TFRC: variants seen among roughly 807,000 people sequenced by gnomAD.
TFRC encodes transferrin receptor protein 1.
In TFRC, 35 loss-of-function variants were observed where a neutral mutation model predicts 85.8. The observed-to-expected ratio is 0.41, with a 90% CI of 0.31 to 0.54. The LOEUF (loss-of-function observed/expected upper bound fraction) is 0.54. Ranked by LOEUF, TFRC falls within the 20% of genes least tolerant of loss-of-function variation. TFRC has a pLI of 0.31. For synonymous variants in TFRC, 362 were observed against 328.6 expected, an observed-to-expected ratio of 1.10 and a Z score of -1.10; for missense variants, 828 against 921.5, an observed-to-expected ratio of 0.90 and a Z score of 1.31.
chr3:196,064,223 G>A (rs1717520112), intron 11 of TFRC, 86 bp downstream of exon 11: 5 of 1,360,090 alleles, frequency 3.7e-6, no homozygotes, highest in African/African-American at 1.5e-5. Context: ...CCACAGGAAT[G>A]CAGGCAAAGT....
chr3:196,071,333 G>A (rs1718184320), intron 6 of TFRC, 63 bp downstream of exon 6: 3 of 1,475,476 alleles, frequency 2.0e-6, no homozygotes, highest in African/African-American at 1.4e-5. Flanking sequence ...CCTAAGAACA[G>A]AAAAGATGAG....
chr3:196,060,668 G>C (rs1717199411), intron 13 of TFRC: 1 of 159,940 alleles, frequency 6.3e-6, no homozygotes. Flanking sequence ...TGTGGTGGCG[G>C]GCACCTGTAG....
intron 17 of TFRC, 43 bp downstream of exon 17, chr3:196,055,037 T>G: frequency 1.0e-4 from 157 of 1,574,972 alleles, no homozygotes; most frequent in Non-Finnish European, 1.3e-4. Context: ...TCAAAATACT[T>G]GACATTCAGC....
intron 11 of TFRC, 151 bp from the exon 12 acceptor site, chr3:196,063,090 T>C (rs1301423828): frequency 5.1e-6 from 3 of 592,908 alleles, no homozygotes; most frequent in Non-Finnish European, 8.7e-6. Context: ...AAAAAAAAAC[T>C]AACAAAATCT....
rs368478302 is a variant in TFRC at position 196,055,921 on chromosome 3, T to C, written c.1678-620A>G. On this transcript the variant is annotated intron_variant, in intron 16 of 18. Transcript: ENST00000360110. ...GATGCAATCATGGCTCCCTCTAGCC[T>C]TGAGACGAGGTCACTCTGTCACCCA... Among the ~76,000 whole-genome samples the C allele has an allele frequency of 3.8e-3, 577 of 150,826 alleles. 2 individuals are homozygous for C. Among genetic ancestry groups the C allele is most frequent in the African/African-American group, 0.013 (538 of 40,814 alleles).
At chr3:196,058,496 A>G in intron 15 of TFRC, 78 bp downstream of exon 15, 1 of 1,500,484 alleles carries the variant, frequency 6.7e-7, no homozygotes, top group South Asian at 1.2e-5. Context: ...ATGCAAGGAC[A>G]GATTTAGATT....
At chr3:196,080,034 G>A (rs535506916) in intron 1 of TFRC, among the ~76,000 whole-genome samples, 3 of 152,314 alleles carry the variant, frequency 2.0e-5, no homozygotes, top group African/African-American at 7.2e-5. Context: ...CAAATGATAT[G>A]AAAAATATAA....
In TFRC at chr3:196,072,146, C is replaced by T. The variant is rs1346392458; in HGVS notation, c.441G>A (p.Leu147=). 9 of 1,613,116 alleles carry T rather than the reference C, an allele frequency of 5.6e-6. No individual in the cohort carries two copies. The East Asian group carries it at 8.9e-5, about 16-fold the overall frequency. Residue 147 remains leucine (L), a synonymous_variant, in exon 5 of 19, where the codon CTG becomes CTA. Transcript: ENST00000360110. ...CACGAGGGACATATGAATTTTCATT[C>T]AGCAGCCTGGAGGAGAAAATGCCTT... is the stretch of plus-strand genomic sequence containing the variant. ...STDFTGTIKL[L]NENSYVPREA...
chr3:196,054,276 A>C (rs1716588366), intron 17 of TFRC, among the ~76,000 whole-genome samples: 1 of 152,122 alleles, frequency 6.6e-6, no homozygotes, highest in East Asian at 1.9e-4. Context: ...ATGGTGGCAC[A>C]CGCCTGTAAT....
chr3:196,067,573 A>T lies in TFRC; in HGVS notation c.985T>A (p.Leu329Met). 6.2e-7 allele frequency: 1 copy of T among 1,614,168 alleles called. No homozygotes were observed. The highest frequency in any genetic ancestry group is 8.5e-7 in the Non-Finnish European group (1 of 1,180,010). The change falls in exon 9 of 19, where the codon TTG becomes ATG. Residue 329 changes from leucine to methionine, a missense_variant. Leu to Met is a conservative substitution (Grantham distance 15). Transcript: ENST00000360110. Reference protein sequence around the residue: ...TQFPPSRSSGLPNIPVQTISR... With the variant: ...TQFPPSRSSGMPNIPVQTISR... The stretch of plus-strand genomic sequence containing the variant: ...ATTGTCTGGACAGGTATATTAGGCA[A>T]TCCTGATGACCGAGATGGTGGAAAC...
At position 196,051,973 on chromosome 3, in the gene TFRC, C is replaced by T; in HGVS notation, c.2252G>A (p.Gly751Asp). 1 of 1,614,150 alleles carries T rather than the reference C, an allele frequency of 6.2e-7. No homozygotes were observed. The highest frequency in any genetic ancestry group is 8.5e-7 in the Non-Finnish European group (1 of 1,180,022). ...TIQGAANALS[G>D]DVWDIDNEF is the part of the protein sequence containing the mutation. The stretch of plus-strand genomic sequence containing the variant: ...CTCATTGTCAATGTCCCAAACGTCA[C>T]CAGAGAGGGCATTTGCAGCTCCCTG... The change falls in exon 19 of 19, where the codon GGT (glycine) becomes GAT (aspartate). Residue 751 changes from glycine (G) to aspartate (D), a missense_variant. Gly to Asp is a moderately conservative substitution (Grantham distance 94, BLOSUM62 -1). Coordinates refer to ENST00000360110, the MANE Select transcript of TFRC (RefSeq NM_001128148.3).
Position 196,077,138 on chromosome 3 carries a change from G to T in TFRC, c.-23-16C>A. 6.3e-7 allele frequency: 1 copy of T among 1,582,962 alleles called. No individual in the cohort carries two copies. The highest frequency in any genetic ancestry group is 8.7e-7 in the Non-Finnish European group (1 of 1,152,912). ...ACAGAAGAACCTAGGTATCAGAATA[G>T]AGAATTATTGAGAAAGATACTACTG... On this transcript the variant is annotated splice_polypyrimidine_tract_variant and intron_variant, in intron 1 of 18. Transcript: ENST00000360110.
At chr3:196,054,411 AAAAAT>A (rs1716603861) in intron 17 of TFRC, among the ~76,000 whole-genome samples, 1 of 152,174 alleles carries the variant, frequency 6.6e-6, no homozygotes, top group African/African-American at 2.4e-5. Flanking sequence ...ATCTCTCAAA[AAAAAT>A]AAAATAAAAA....
chr3:196,060,231 C>G lies in TFRC; in HGVS notation c.1485G>C (p.Lys495Asn), dbSNP rs111276121. The G allele has an allele frequency of 6.2e-7, 1 of 1,613,990 alleles. No individual in the cohort carries two copies. The highest frequency in any genetic ancestry group is 8.5e-7 in the Non-Finnish European group (1 of 1,179,944). Residue 495 changes from lysine to asparagine, a missense_variant, in exon 14 of 19, where the codon AAG becomes AAC. Transcript: ENST00000360110. ...TATACAACAGTGGGCTGGCAGAAAC[C>G]TTGAAGTTGCTGGTACCTGAAAATA... ...DKAVLGTSNF[K>N]VSASPLLYTL...
rs79872828 is a variant in TFRC, at chr3:196,051,321, G to A, written c.*621C>T. 9.1e-6 allele frequency: 2 copies of A among 219,966 alleles called. No individual in the cohort carries two copies. The highest frequency in any genetic ancestry group is 6.7e-5 in the East Asian group (1 of 14,946). 13.6% of individuals were successfully genotyped at this position (219,966 alleles called of 1,614,324 possible). A position where few individuals can be genotyped will look rare whatever the true frequency, so the allele number is the denominator to read the frequency against. ...GTCCCCTCTTTTCATAAATGACACT[G>A]AGGTTAACATATTAAGGCCTTATTC... On this transcript the variant is annotated 3_prime_UTR_variant, in exon 19 of 19. Transcript: ENST00000360110.
In TFRC at chr3:196,055,184, T is replaced by C. The variant is rs377249426; in HGVS notation, c.1795A>G (p.Ile599Val). 2 of 1,614,236 alleles carry C rather than the reference T, an allele frequency of 1.2e-6. No individual in the cohort carries two copies. The highest frequency in any genetic ancestry group is 1.7e-6 in the Non-Finnish European group (2 of 1,180,034). ...AAAEVAGQFVIKLTHDVELNL... is the reference protein window; with the variant it reads ...AAAEVAGQFVVKLTHDVELNL... ...AATTCAACATCATGGGTTAGTTTAA[T>C]CACGAACTGACCAGCGACCTCTGCA... is the stretch of plus-strand genomic sequence containing the variant. Residue 599 changes from isoleucine (I) to valine (V), a missense_variant, in exon 17 of 19, where the codon ATT becomes GTT. Transcript: ENST00000360110.
intron 1 of TFRC, among the ~76,000 whole-genome samples, chr3:196,080,967 G>A (rs1337941785): frequency 1.3e-5 from 2 of 152,130 alleles, no homozygotes; most frequent in African/African-American, 4.8e-5. Flanking sequence ...CTTATCAACG[G>A]GGAAGAAAAT....
In TFRC at chr3:196,072,141, T is replaced by C. The variant is rs765076763; in HGVS notation, c.446A>G (p.Glu149Gly). The C allele has an allele frequency of 6.2e-7, 1 of 1,613,386 alleles. No individual in the cohort carries two copies. Among genetic ancestry groups the C allele is most frequent in the Admixed American group, 1.7e-5 (1 of 59,760 alleles). The part of the protein sequence containing the change: ...DFTGTIKLLN[E>G]NSYVPREAGS... The stretch of plus-strand genomic sequence containing the variant: ...AGCCTCACGAGGGACATATGAATTT[T>C]CATTCAGCAGCCTGGAGGAGAAAAT... Residue 149 changes from glutamate to glycine, a missense_variant, in exon 5 of 19, where the codon GAA becomes GGA. Coordinates refer to ENST00000360110, the MANE Select transcript of TFRC (RefSeq NM_001128148.3).
At chr3:196,063,134 T>C (rs893948779) in intron 11 of TFRC, 195 bp from the exon 12 acceptor site, 30 of 525,972 alleles carry the variant, frequency 5.7e-5, no homozygotes, top group Non-Finnish European at 8.7e-5. Context: ...AATAAAAGAA[T>C]AGGAATAATT....
Sources: allele counts gnomAD v4.1 joint callset (sites outside exome capture counted in the v4.1 genomes callset), GRCh38; gene constraint gnomAD v4.1.1; transcripts MANE v1.5; gene names NCBI Gene and HGNC (gene_info 2026-07-23, HGNC 2026-07-21).